Variants in KMT2E observed in about 807,000 individuals in gnomAD.
KMT2E encodes the protein lysine methyltransferase 2E (inactive), also known as histone reader KMT2E.
KMT2E carries 30 observed loss-of-function variants against 184.6 expected under a neutral mutation model. That is an observed-to-expected ratio of 0.16 (90% confidence interval 0.12 to 0.22). The LOEUF (loss-of-function observed/expected upper bound fraction) is 0.22, where lower values mean the gene tolerates loss of function less well. Ranked by LOEUF, KMT2E falls within the 10% of genes least tolerant of loss-of-function variation. The pLI, the probability that KMT2E is intolerant of heterozygous loss-of-function variation, is 1.00. For missense variants in KMT2E, 2,023 were observed against 2,237.4 expected (o/e 0.90, Z 1.93); for synonymous variants, 815 against 776.5 (o/e 1.05, Z -0.82).
chr7:105,041,849 A>G (rs1449506775), intron 3 of KMT2E, among the ~76,000 whole-genome samples: 1 of 152,184 alleles, frequency 6.6e-6, no homozygotes, highest in Middle Eastern at 3.2e-3. Flanking sequence ...TTAATCGACT[A>G]TGAAGAAACT....
At chr7:105,086,847 ATAG>A (rs1797985895) in intron 13 of KMT2E, among the ~76,000 whole-genome samples, 2 of 147,290 alleles carry the variant, frequency 1.4e-5, no homozygotes, top group African/African-American at 4.9e-5. Context: ...GCTAGCATAT[ATAG>A]TATATATAAT....
intron 12 of KMT2E, among the ~76,000 whole-genome samples, chr7:105,079,798 AC>A (rs1483204661): frequency 6.6e-6 from 1 of 151,186 alleles, no homozygotes; most frequent in Non-Finnish European, 1.5e-5. Flanking sequence ...GGCTGGGATT[AC>A]AGGCATGAGC....
At chr7:105,042,029 A>T (rs543189760) in intron 3 of KMT2E, among the ~76,000 whole-genome samples, 45 of 151,864 alleles carry the variant, frequency 3.0e-4, no homozygotes, top group African/African-American at 1.0e-3. Flanking sequence ...ACAGAGTCTC[A>T]CTCTGTCATC....
At chr7:105,016,897 C>T (rs898748493) in intron 1 of KMT2E, among the ~76,000 whole-genome samples, 1 of 152,174 alleles carries the variant, frequency 6.6e-6, no homozygotes, top group Non-Finnish European at 1.5e-5. Flanking sequence ...CAAGGATTTT[C>T]TACATACCAG....
chr7:105,046,742 A>G lies in KMT2E; in HGVS notation c.71+5719A>G, dbSNP rs78296676. ...ATAGAATTTAACCCTTGAGAGTATCACATTATGATAGCATGTAAATACATC... is the reference window on the plus strand; with the variant it reads ...ATAGAATTTAACCCTTGAGAGTATCGCATTATGATAGCATGTAAATACATC... On this transcript the variant is annotated intron_variant, in intron 3 of 26. Transcript: ENST00000311117. 3.6e-3 allele frequency among the ~76,000 whole-genome samples: 550 copies of G among 152,346 alleles called. 4 individuals are homozygous for G. The highest frequency in any genetic ancestry group is 0.013 in the African/African-American group (530 of 41,586).
At chr7:105,062,069 A>G in intron 3 of KMT2E, 95 bp from the exon 4 acceptor site, 1 of 790,816 alleles carries the variant, frequency 1.3e-6, no homozygotes, top group Non-Finnish European at 2.2e-6. Flanking sequence ...TTGTATAGCC[A>G]TTATTTTGCT....
chr7:105,063,474 A>G lies in KMT2E; in HGVS notation c.310A>G (p.Thr104Ala), dbSNP rs375785054. 2.5e-6 allele frequency: 4 copies of G among 1,613,534 alleles called. No homozygotes were observed. In the African/African-American group the frequency reaches 4.0e-5, roughly 16 times the overall value. Residue 104 changes from threonine (T) to alanine (A), a missense_variant, in exon 5 of 27, where the codon ACT becomes GCT. Around this residue, in one of 8 missense-constraint regions of KMT2E, gnomAD observed 48 missense variants for 51.5 expected, o/e 0.93. Coordinates refer to ENST00000311117, the MANE Select transcript of KMT2E (RefSeq NM_182931.3). The stretch of plus-strand genomic sequence containing the variant: ...TAATTTTGATGAAACTTCCAGTGCT[A>G]CTACAATCAGCACATCTGAGGATGG... ...TPNFDETSSA[T>A]TISTSEDGSY...
At chr7:105,021,554 A>G (rs1161747578) in intron 1 of KMT2E, among the ~76,000 whole-genome samples, 3 of 152,190 alleles carry the variant, frequency 2.0e-5, no homozygotes, top group African/African-American at 7.2e-5. Context: ...AATTTATTTG[A>G]AGAAAGTACA....
chr7:105,111,042 G>A, intron 26 of KMT2E, 174 bp downstream of exon 26: 1 of 596,354 alleles, frequency 1.7e-6, no homozygotes, highest in Non-Finnish European at 3.0e-6. Flanking sequence ...TCTTCTTACT[G>A]AACATGTGAT....
chr7:105,022,258 G>A (rs948763915), intron 1 of KMT2E, among the ~76,000 whole-genome samples: 2 of 151,862 alleles, frequency 1.3e-5, no homozygotes, highest in African/African-American at 4.8e-5. Flanking sequence ...ACCATTAGCC[G>A]ATCCAAGATC....
intron 9 of KMT2E, 86 bp downstream of exon 9, chr7:105,076,167 C>A: frequency 1.1e-6 from 1 of 941,272 alleles, no homozygotes; most frequent in Non-Finnish European, 1.7e-6. Context: ...TTACTTAATG[C>A]TCTGTTTATT....
intron 3 of KMT2E, among the ~76,000 whole-genome samples, chr7:105,041,789 G>A (rs1207607133): frequency 6.6e-6 from 1 of 152,076 alleles, no homozygotes; most frequent in Non-Finnish European, 1.5e-5. Context: ...CTTTTTACTT[G>A]TTCTTTTTTC....
intron 2 of KMT2E, among the ~76,000 whole-genome samples, chr7:105,039,928 T>C (rs561659945): frequency 1.1e-4 from 16 of 152,316 alleles, no homozygotes; most frequent in Non-Finnish European, 1.9e-4. Context: ...GCCACTGTTA[T>C]GTAGTGAATT....
In KMT2E at chr7:105,106,713, A is replaced by G. The variant is rs375372514; in HGVS notation, c.2788A>G (p.Ile930Val). Residue 930 changes from isoleucine to valine, a missense_variant, in exon 20 of 27, where the codon ATA becomes GTA. Physicochemically the swap from Ile to Val is conservative, Grantham distance 29. Around this residue, in one of 8 missense-constraint regions of KMT2E, gnomAD observed 514 missense variants for 621.8 expected, o/e 0.83. Transcript: ENST00000311117. Reference protein sequence around the residue: ...DETCRNGYKPIYSPVTPVTPG... With the variant: ...DETCRNGYKPVYSPVTPVTPG... ...AACTTGTAGAAATGGTTATAAACCC[A>G]TATATTCACCAGTTACCCCAGTAAC... 6 of 1,613,740 alleles carry G rather than the reference A, an allele frequency of 3.7e-6. No homozygotes were observed. The highest frequency in any genetic ancestry group is 1.3e-5 in the African/African-American group (1 of 74,904).
chr7:105,089,288 T>TC (rs1798108046), intron 13 of KMT2E: 1 of 421,986 alleles, frequency 2.4e-6, no homozygotes, highest in Non-Finnish European at 4.7e-6. Flanking sequence ...AACTTCTGCC[T>TC]CCTGGGTTCA....
rs1562930466 is a variant in KMT2E at position 105,105,640 on chromosome 7, G to C, written c.2398G>C (p.Glu800Gln). 1.2e-6 allele frequency: 2 copies of C among 1,606,228 alleles called. No individual in the cohort carries two copies. The highest frequency in any genetic ancestry group is 8.5e-7 in the Non-Finnish European group (1 of 1,177,792). The part of the protein sequence containing the change: ...YIRFTSPFLS[E>Q]KRRRKEPTEN... Reference sequence around the variant, plus strand: ...TAGATTTACTTCACCATTCCTTTCAGAAAAAAGGAGAAGAAAAGAACCTAC... The same window carrying C: ...TAGATTTACTTCACCATTCCTTTCACAAAAAAGGAGAAGAAAAGAACCTAC... Residue 800 changes from glutamate (E) to glutamine (Q), a missense_variant, in exon 18 of 27, where the codon GAA becomes CAA. Glu to Gln is a conservative substitution (Grantham distance 29). Coordinates refer to ENST00000311117, the MANE Select transcript of KMT2E (RefSeq NM_182931.3).
In KMT2E at chr7:105,031,526, C is replaced by A. The variant is rs575748485; in HGVS notation, c.-188-6600C>A. 3.0e-3 allele frequency among the ~76,000 whole-genome samples: 447 copies of A among 146,790 alleles called. 13 individuals carry two copies. In the East Asian group the frequency reaches 0.065, roughly 21 times the overall value. ...CATCACTTTGGGAGGCCAAGGTGGG[C>A]AGATCACTTGAGGTCAGGAGTTTGA... On this transcript the variant is annotated intron_variant, in intron 1 of 26. Transcript: ENST00000311117.
intron 1 of KMT2E, among the ~76,000 whole-genome samples, chr7:105,035,458 T>C (rs1795609636): frequency 1.3e-5 from 2 of 148,780 alleles, no homozygotes; most frequent in Non-Finnish European, 1.5e-5. Context: ...TGTGAGCCAC[T>C]GTGCCCAGCC....
In KMT2E at chr7:105,105,527, C is replaced by G. The variant is rs777768172; in HGVS notation, c.2285C>G (p.Thr762Arg). 1 of 1,614,076 alleles carries G rather than the reference C, an allele frequency of 6.2e-7. No homozygotes were observed. Among genetic ancestry groups the G allele is most frequent in the Non-Finnish European group, 8.5e-7 (1 of 1,179,950 alleles). ...TCAGAAAGGCCTCTACGCATAACTA[C>G]AGATCCTGAAGTGTTAGCTACACAA... is the stretch of plus-strand genomic sequence containing the variant. ...GLSERPLRIT[T>R]DPEVLATQLN... The change falls in exon 18 of 27, where the codon ACA becomes AGA. Residue 762 changes from threonine to arginine, a missense_variant. Transcript: ENST00000311117.
Sources: allele counts gnomAD v4.1 joint callset (sites outside exome capture counted in the v4.1 genomes callset), GRCh38; gene constraint gnomAD v4.1.1; regional missense constraint gnomAD v4.1.1; transcripts MANE v1.5; gene names NCBI Gene and HGNC (gene_info 2026-07-23, HGNC 2026-07-21).